C8orf34: variants seen among roughly 807,000 people sequenced by gnomAD.
C8orf34 encodes uncharacterized protein C8orf34.
Under a neutral mutation model 68.3 loss-of-function variants are expected in C8orf34, and 65 were observed. The ratio of observed to expected loss-of-function variants is 0.95; its 90% CI spans 0.78 to 1.17. C8orf34 has a LOEUF of 1.17. C8orf34 is among the 50% of genes most tolerant of loss of function. C8orf34 has a pLI of 0.00. For missense variants in C8orf34, 664 were observed against 655.4 expected (o/e 1.01, Z -0.14); for synonymous variants, 244 against 241.2 (o/e 1.01, Z -0.11).
At chr8:68,546,415 A>G (rs990414398) in intron 7 of C8orf34, among the ~76,000 whole-genome samples, 2 of 151,976 alleles carry the variant, frequency 1.3e-5, no homozygotes, top group African/African-American at 4.8e-5. Context: ...GCTTAATGAT[A>G]AAAAGTATAT....
At chr8:68,624,990 A>G (rs1356799022) in intron 7 of C8orf34, among the ~76,000 whole-genome samples, 1 of 152,082 alleles carries the variant, frequency 6.6e-6, no homozygotes, top group East Asian at 1.9e-4. Flanking sequence ...TAGACAATGA[A>G]CAATAAATTT....
At chr8:68,402,973 C>CT (rs1235599140) in intron 1 of C8orf34, among the ~76,000 whole-genome samples, 1 of 152,170 alleles carries the variant, frequency 6.6e-6, no homozygotes, top group Non-Finnish European at 1.5e-5. Flanking sequence ...GACTGTACCC[C>CT]TCCCCAGTCA....
At chr8:68,459,820 C>A (rs904424589) in intron 3 of C8orf34, among the ~76,000 whole-genome samples, 4 of 152,114 alleles carry the variant, frequency 2.6e-5, no homozygotes, top group African/African-American at 9.7e-5. Context: ...CCAAGATGGC[C>A]AAATAGGAAC....
chr8:68,771,556 T>C (rs995416642), intron 10 of C8orf34, among the ~76,000 whole-genome samples: 1 of 152,232 alleles, frequency 6.6e-6, no homozygotes, highest in Non-Finnish European at 1.5e-5. Flanking sequence ...TCCTCTGTTG[T>C]GTCTGGGCCC....
At chr8:68,799,002 C>T (rs60851352) in intron 12 of C8orf34, among the ~76,000 whole-genome samples, 1 of 152,074 alleles carries the variant, frequency 6.6e-6, no homozygotes, top group Non-Finnish European at 1.5e-5. Flanking sequence ...GTGCAATACT[C>T]ACCAGAAAAT....
intron 7 of C8orf34, among the ~76,000 whole-genome samples, chr8:68,542,865 C>G (rs1815747179): frequency 6.6e-6 from 1 of 152,098 alleles, no homozygotes. Flanking sequence ...TGCCAAGTAG[C>G]AAACCTGATT....
At chr8:68,606,781 T>C (rs1167139495) in intron 7 of C8orf34, among the ~76,000 whole-genome samples, 1 of 152,122 alleles carries the variant, frequency 6.6e-6, no homozygotes, top group Non-Finnish European at 1.5e-5. Flanking sequence ...GTTGAGGTCA[T>C]GCATAAAATC....
intron 7 of C8orf34, among the ~76,000 whole-genome samples, chr8:68,616,756 T>A (rs1257094125): frequency 6.6e-6 from 1 of 152,094 alleles, no homozygotes; most frequent in African/African-American, 2.4e-5. Context: ...CTGAAAAAAA[T>A]GTATATTCTG....
At position 68,394,203 on chromosome 8, in the gene C8orf34, A is replaced by G. The variant is rs888341678; in HGVS notation, c.328-45296A>G. Among the ~76,000 whole-genome samples, 7 of 150,470 alleles carry G rather than the reference A, an allele frequency of 4.7e-5. No homozygotes were observed. The South Asian group carries it at 1.1e-3, about 23-fold the overall frequency. ...GCTGCACCCACTAACTCGTCATCTA[A>G]CATTAGGTATATCTCCCAATGCTAT... On this transcript the variant is annotated intron_variant, in intron 1 of 13. Coordinates refer to ENST00000518698, the MANE Select transcript of C8orf34 (RefSeq NM_052958.4).
intron 4 of C8orf34, among the ~76,000 whole-genome samples, chr8:68,479,433 G>C (rs919043473): frequency 7.5e-6 from 1 of 133,444 alleles, no homozygotes; most frequent in Admixed American, 7.8e-5. Context: ...GAGAGAGAGA[G>C]AGAAAGCAAC....
At position 68,533,020 on chromosome 8, in the gene C8orf34, C is replaced by T. The variant is rs2129830551; in HGVS notation, c.976C>T (p.Gln326Ter). Residue 326 changes from glutamine to a stop codon, truncating the protein, a stop_gained, in exon 7 of 14, where the codon CAG (glutamine) becomes TAG (stop). Coordinates refer to ENST00000518698, the MANE Select transcript of C8orf34 (RefSeq NM_052958.4). LOFTEE classifies it high-confidence loss of function. ...GCCTAAGAACAAAGGATTAAAACAG[C>T]AGCAACAGCAACATAAGAAACTCCT... ...MEPKNKGLKQ[Q>*]QQQHKKLLAA... 1 of 1,608,058 alleles carries T rather than the reference C, an allele frequency of 6.2e-7. No individual in the cohort carries two copies. Among genetic ancestry groups the T allele is most frequent in the Non-Finnish European group, 8.5e-7 (1 of 1,175,080 alleles).
chr8:68,483,086 A>G (rs1812929209), intron 4 of C8orf34, among the ~76,000 whole-genome samples: 1 of 152,154 alleles, frequency 6.6e-6, no homozygotes, highest in Non-Finnish European at 1.5e-5. Context: ...AGGTATAGAG[A>G]ATTTTGAAAA....
At chr8:68,345,806 A>G (rs920643738) in intron 1 of C8orf34, among the ~76,000 whole-genome samples, 4 of 152,070 alleles carry the variant, frequency 2.6e-5, no homozygotes, top group Non-Finnish European at 5.9e-5. Context: ...CAAGGTACAG[A>G]AACATTTTCA....
chr8:68,398,810 T>C (rs539014698), intron 1 of C8orf34, among the ~76,000 whole-genome samples: 1 of 152,182 alleles, frequency 6.6e-6, no homozygotes. Context: ...TATGCAATTT[T>C]AACATTGGAG....
chr8:68,374,599 C>G lies in C8orf34; in HGVS notation c.327+43260C>G, dbSNP rs1586011049. On this transcript the variant is annotated intron_variant, in intron 1 of 13. Transcript: ENST00000518698. Reference sequence around the variant, plus strand: ...GTGAACCCTTGTGGATACCATATAGCTCCTAAAACATTAACGTATTTCTCC... The same window carrying G: ...GTGAACCCTTGTGGATACCATATAGGTCCTAAAACATTAACGTATTTCTCC... Among the ~76,000 whole-genome samples, 5 of 152,268 alleles carry G rather than the reference C, an allele frequency of 3.3e-5. No homozygotes were observed. In the East Asian group the frequency reaches 9.6e-4, roughly 29 times the overall value.
At chr8:68,555,680 A>G (rs1425829751) in intron 7 of C8orf34, among the ~76,000 whole-genome samples, 1 of 152,112 alleles carries the variant, frequency 6.6e-6, no homozygotes, top group Non-Finnish European at 1.5e-5. Context: ...ATAATAATGT[A>G]TATATTTTTT....
intron 1 of C8orf34, among the ~76,000 whole-genome samples, chr8:68,419,433 A>G (rs543633337): frequency 6.6e-6 from 1 of 150,622 alleles, no homozygotes; most frequent in East Asian, 1.9e-4. Context: ...TTCCTCAGGG[A>G]TCTAGAACTA....
intron 1 of C8orf34, among the ~76,000 whole-genome samples, chr8:68,416,091 C>A (rs1809653370): frequency 6.6e-6 from 1 of 152,164 alleles, no homozygotes; most frequent in Non-Finnish European, 1.5e-5. Flanking sequence ...TTACTTTCTT[C>A]TCTTAACCAA....
chr8:68,703,120 C>T lies in C8orf34; in HGVS notation c.1242-5874C>T, dbSNP rs181517277. Among the ~76,000 whole-genome samples the T allele has an allele frequency of 1.1e-4, 16 of 152,258 alleles. No individual in the cohort carries two copies. In the East Asian group the frequency reaches 3.1e-3, roughly 29 times the overall value. ...AAGTCTATTTTGTAAGTGCCAGAGA[C>T]TTTTCAGCAACATTTATTTAACAAA... On this transcript the variant is annotated intron_variant, in intron 8 of 13. Transcript: ENST00000518698.
Sources: allele counts gnomAD v4.1 joint callset (sites outside exome capture counted in the v4.1 genomes callset), GRCh38; gene constraint gnomAD v4.1.1; transcripts MANE v1.5; gene names NCBI Gene and HGNC (gene_info 2026-07-23, HGNC 2026-07-21).